The following ADCY2 variants were observed in gnomAD, a reference collection of about 807,000 sequenced individuals.
ADCY2 encodes adenylate cyclase 2.
ADCY2 carries 31 observed loss-of-function variants against 125.2 expected under a neutral mutation model. The ratio of observed to expected loss-of-function variants is 0.25; its 90% confidence interval spans 0.19 to 0.33. The LOEUF (loss-of-function observed/expected upper bound fraction) is 0.33, where lower values mean the gene tolerates loss of function less well. ADCY2 is among the 10% of genes least tolerant of loss of function. The pLI, the probability that ADCY2 is intolerant of heterozygous loss-of-function variation, is 1.00. For missense variants in ADCY2, 904 were observed against 1,418.2 expected (o/e 0.64, Z 5.82); for synonymous variants, 512 against 548.4 (o/e 0.93, Z 0.93).
At chr5:7,537,802 C>T (rs770400719) in intron 3 of ADCY2, among the ~76,000 whole-genome samples, 5 of 152,236 alleles carry the variant, frequency 3.3e-5, no homozygotes, top group Non-Finnish European at 5.9e-5. Context: ...AGCCTGGCCC[C>T]TCCCTTCCCT....
At chr5:7,757,137 T>G (rs566185362) in intron 15 of ADCY2, among the ~76,000 whole-genome samples, 1 of 152,350 alleles carries the variant, frequency 6.6e-6, no homozygotes, top group East Asian at 1.9e-4. Flanking sequence ...CCAGGGTGAT[T>G]TAATTAACTG....
At chr5:7,769,175 T>C (rs1376094545) in intron 17 of ADCY2, among the ~76,000 whole-genome samples, 8 of 152,198 alleles carry the variant, frequency 5.3e-5, no homozygotes, top group African/African-American at 1.7e-4. Context: ...AACACTAATT[T>C]TGAAAATTAA....
At chr5:7,657,972 A>G (rs1739395788) in intron 4 of ADCY2, 1 of 152,290 alleles carries the variant, frequency 6.6e-6, no homozygotes, top group Non-Finnish European at 1.5e-5. Flanking sequence ...TTCATTGGAA[A>G]TGAGTGTCGC....
chr5:7,773,200 C>T (rs1310899913), intron 18 of ADCY2, 99 bp downstream of exon 18: 4 of 1,250,136 alleles, frequency 3.2e-6, no homozygotes, highest in Admixed American at 2.3e-5. Context: ...ATGTCATTGT[C>T]ATTGATAAAT....
At chr5:7,717,078 T>G (rs1443478036) in intron 11 of ADCY2, 79 bp from the exon 12 acceptor site, 2 of 864,034 alleles carry the variant, frequency 2.3e-6, no homozygotes, top group Non-Finnish European at 3.7e-6. Context: ...ATGTAAAATA[T>G]TATGTATCTC....
chr5:7,622,775 C>G lies in ADCY2; in HGVS notation c.571-3392C>G, dbSNP rs138276821. Among the ~76,000 whole-genome samples the G allele has an allele frequency of 1.8e-3, 271 of 152,322 alleles. 2 individuals are homozygous for G. Among genetic ancestry groups the G allele is most frequent in the Non-Finnish European group, 2.3e-3 (154 of 68,036 alleles). On this transcript the variant is annotated intron_variant, in intron 3 of 24. Transcript: ENST00000338316. ...TGGAAACCTCTCAATGGACAAGAAA[C>G]GTTGGCCTGGTCAGCTACACTGGCT...
chr5:7,526,440 A>G (rs750875703), intron 3 of ADCY2, among the ~76,000 whole-genome samples: 4 of 132,172 alleles, frequency 3.0e-5, no homozygotes, highest in Non-Finnish European at 5.4e-5. Context: ...AATTCATTAT[A>G]TATTTCAAAA....
At chr5:7,742,128 C>CAAA (rs1207472213) in intron 14 of ADCY2, among the ~76,000 whole-genome samples, 65 of 116,122 alleles carry the variant, frequency 5.6e-4, no homozygotes, top group African/African-American at 2.1e-3. Flanking sequence ...GCATAGTGCC[C>CAAA]AAAAAAAAAA....
At chr5:7,674,573 C>T (rs933491748) in intron 4 of ADCY2, among the ~76,000 whole-genome samples, 1 of 152,204 alleles carries the variant, frequency 6.6e-6, no homozygotes, top group African/African-American at 2.4e-5. Flanking sequence ...AAAACACTTT[C>T]TGTGTTTCCA....
chr5:7,454,059 A>G (rs961001892), intron 2 of ADCY2, among the ~76,000 whole-genome samples: 1 of 152,086 alleles, frequency 6.6e-6, no homozygotes, highest in Non-Finnish European at 1.5e-5. Flanking sequence ...GAGACAGTTA[A>G]CAACTGCCTG....
At chr5:7,485,656 A>T (rs1396751759) in intron 2 of ADCY2, among the ~76,000 whole-genome samples, 1 of 152,218 alleles carries the variant, frequency 6.6e-6, no homozygotes, top group African/African-American at 2.4e-5. Flanking sequence ...CTAAGAACAT[A>T]ATTATATAAA....
chr5:7,563,443 A>G (rs1409097044), intron 3 of ADCY2, among the ~76,000 whole-genome samples: 4 of 152,182 alleles, frequency 2.6e-5, no homozygotes, highest in Admixed American at 6.6e-5. Context: ...TTGGGCTATG[A>G]AGGTCTGCTC....
rs571661965 is a variant in ADCY2 at position 7,403,734 on chromosome 5, T to TTA, written c.210+7236_210+7237dup. The stretch of plus-strand genomic sequence containing the variant: ...TCATATATAGACACATACACATAAA[T>TTA]TATATATATGTGTGGTGTGTTATAG... On this transcript the variant is annotated intron_variant, in intron 1 of 24. Coordinates refer to ENST00000338316, the MANE Select transcript of ADCY2 (RefSeq NM_020546.3). Among the ~76,000 whole-genome samples the TTA allele has an allele frequency of 7.9e-5, 12 of 152,274 alleles. No individual in the cohort carries two copies. The South Asian group carries it at 2.3e-3, about 29-fold the overall frequency.
rs66460653 is a variant in ADCY2 at position 7,439,529 on chromosome 5, T to TACAC, written c.408+24789_408+24792dup. ...GAGACATAGCCAAATTGGGTTAAGA[T>TACAC]ACACACACACACACACACACACACA... On this transcript the variant is annotated intron_variant, in intron 2 of 24. Coordinates refer to ENST00000338316, the MANE Select transcript of ADCY2 (RefSeq NM_020546.3). Among the ~76,000 whole-genome samples the TACAC allele has an allele frequency of 7.5e-3, 1,120 of 148,796 alleles. 7 individuals carry two copies. Among genetic ancestry groups the TACAC allele is most frequent in the Middle Eastern group, 0.017 (5 of 288 alleles).
chr5:7,820,424 G>A lies in ADCY2; in HGVS notation c.2999-141G>A, dbSNP rs964226752. On this transcript the variant is annotated intron_variant, in intron 23 of 24. Coordinates refer to ENST00000338316, the MANE Select transcript of ADCY2 (RefSeq NM_020546.3). ...TGGCAGGATCGCTTGAGCCTGGGAGGTGAAGGTTGCAGTCAGCCAAGATTG... is the reference window on the plus strand; with the variant it reads ...TGGCAGGATCGCTTGAGCCTGGGAGATGAAGGTTGCAGTCAGCCAAGATTG... 6 of 1,030,124 alleles carry A rather than the reference G, an allele frequency of 5.8e-6. No homozygotes were observed. In the African/African-American group the frequency reaches 8.1e-5, roughly 14 times the overall value. The allele number at this position is 1,030,124 out of a possible 1,614,324, so 63.8% of individuals were successfully genotyped here.
chr5:7,452,862 CA>C (rs1324227705), intron 2 of ADCY2, among the ~76,000 whole-genome samples: 1 of 152,152 alleles, frequency 6.6e-6, no homozygotes. Context: ...TGATGTTGAA[CA>C]TTTTTTTCAT....
chr5:7,769,437 A>G (rs1298152191), intron 17 of ADCY2, among the ~76,000 whole-genome samples: 1 of 152,206 alleles, frequency 6.6e-6, no homozygotes, highest in Non-Finnish European at 1.5e-5. Context: ...GTATTATTTT[A>G]ATTTTTAAAA....
chr5:7,463,282 T>G (rs1438712941), intron 2 of ADCY2, among the ~76,000 whole-genome samples: 2 of 152,166 alleles, frequency 1.3e-5, no homozygotes, highest in East Asian at 3.8e-4. Flanking sequence ...ACACTGCCCC[T>G]CAATTCTGTG....
chr5:7,663,019 T>C (rs1324478842), intron 4 of ADCY2, among the ~76,000 whole-genome samples: 1 of 152,240 alleles, frequency 6.6e-6, no homozygotes, highest in Non-Finnish European at 1.5e-5. Context: ...AGCAATTGAT[T>C]GTCAAACATC....
Sources: allele counts gnomAD v4.1 joint callset (sites outside exome capture counted in the v4.1 genomes callset), GRCh38; gene constraint gnomAD v4.1.1; transcripts MANE v1.5; gene names NCBI Gene and HGNC (gene_info 2026-07-23, HGNC 2026-07-21).